The following BCL11A variants were observed in gnomAD, a reference collection of about 807,000 sequenced individuals.
BCL11A encodes B cell CLL/lymphoma 11A.
BCL11A carries 2 observed loss-of-function variants against 55.9 expected under a neutral mutation model. The ratio of observed to expected loss-of-function variants is 0.04; its 90% CI spans 0.01 to 0.11. The LOEUF is 0.11. Among genes scored for constraint, BCL11A ranks in the 10% least tolerant of loss-of-function variants. The probability of loss-of-function intolerance (pLI) is 1.00; values close to 1 mark genes in which losing one functional copy is unlikely to be tolerated. For missense variants in BCL11A, 817 were observed against 1,137.1 expected (o/e 0.72, Z 4.05); for synonymous variants, 465 against 473.4 (o/e 0.98, Z 0.23).
intron 2 of BCL11A, among the ~76,000 whole-genome samples, chr2:60,502,019 C>A (rs1419156732): frequency 6.6e-6 from 1 of 152,150 alleles, no homozygotes; most frequent in Non-Finnish European, 1.5e-5. Flanking sequence ...GGTGAAATCT[C>A]AGGCTAACAG....
At chr2:60,486,718 C>G (rs868685558) in intron 2 of BCL11A, among the ~76,000 whole-genome samples, 25 of 152,158 alleles carry the variant, frequency 1.6e-4, no homozygotes, top group African/African-American at 5.8e-4. Flanking sequence ...CTCAGGAAGG[C>G]CTTGATAGCA....
Position 60,469,425 on chromosome 2 carries a change from G to T in BCL11A, c.386-592C>A, listed in dbSNP as rs144896747. ...AACCTGGGCATTTCTGGACTGAGCT[G>T]GGCCATACTCTAGAATCCTGTCAAC... On this transcript the variant is annotated intron_variant, in intron 2 of 3. Coordinates refer to ENST00000642384, the MANE Select transcript of BCL11A (RefSeq NM_022893.4). Among the ~76,000 whole-genome samples, 240 of 152,234 alleles carry T rather than the reference G, an allele frequency of 1.6e-3. 1 individual carries two copies. The highest frequency in any genetic ancestry group is 5.5e-3 in the African/African-American group (227 of 41,532).
chr2:60,530,379 C>T (rs1276362727), intron 2 of BCL11A, among the ~76,000 whole-genome samples: 1 of 150,686 alleles, frequency 6.6e-6, no homozygotes, highest in Non-Finnish European at 1.5e-5. Flanking sequence ...TACCTGCACA[C>T]GCAGGCACGC....
chr2:60,524,104 C>T (rs1573055816), intron 2 of BCL11A, among the ~76,000 whole-genome samples: 1 of 152,180 alleles, frequency 6.6e-6, no homozygotes, highest in Admixed American at 6.5e-5. Flanking sequence ...GCTCCCATTT[C>T]GCAAACAAAA....
chr2:60,472,482 A>G (rs1291122838), intron 2 of BCL11A, among the ~76,000 whole-genome samples: 4 of 152,238 alleles, frequency 2.6e-5, no homozygotes, highest in Non-Finnish European at 5.9e-5. Flanking sequence ...GGGGCCTCAG[A>G]AATGCCTTAC....
At chr2:60,522,948 G>C (rs181719203) in intron 2 of BCL11A, 1 of 152,130 alleles carries the variant, frequency 6.6e-6, no homozygotes, top group Non-Finnish European at 1.5e-5. Flanking sequence ...GAGACAGTGA[G>C]GTCTACAATA....
chr2:60,547,342 G>T (rs1005754937), intron 1 of BCL11A, among the ~76,000 whole-genome samples: 2 of 151,798 alleles, frequency 1.3e-5, no homozygotes, highest in African/African-American at 2.4e-5. Context: ...AATCACCAGC[G>T]GATGGTATAA....
intron 2 of BCL11A, among the ~76,000 whole-genome samples, chr2:60,493,047 G>A (rs1322100998): frequency 6.6e-6 from 1 of 152,068 alleles, no homozygotes; most frequent in East Asian, 1.9e-4. Flanking sequence ...CCACAGTGTT[G>A]AGAATTCTAG....
intron 2 of BCL11A, among the ~76,000 whole-genome samples, chr2:60,496,291 GA>G (rs764805091): frequency 6.6e-6 from 1 of 152,256 alleles, no homozygotes; most frequent in Non-Finnish European, 1.5e-5. Flanking sequence ...ACAGATGGGG[GA>G]CAGGGTGGGA....
At chr2:60,489,717 C>G (rs1464872015) in intron 2 of BCL11A, among the ~76,000 whole-genome samples, 1 of 152,182 alleles carries the variant, frequency 6.6e-6, no homozygotes, top group Non-Finnish European at 1.5e-5. Context: ...CCTGAGCCCC[C>G]GGGCCGTTCT....
chr2:60,514,898 C>CAG (rs956675939), intron 2 of BCL11A, among the ~76,000 whole-genome samples: 10 of 149,724 alleles, frequency 6.7e-5, no homozygotes, highest in Admixed American at 5.3e-4. Context: ...AAAAGAGAGA[C>CAG]AGAGAGAGAG....
chr2:60,539,392 A>G (rs1211814710), intron 2 of BCL11A, among the ~76,000 whole-genome samples: 2 of 152,164 alleles, frequency 1.3e-5, no homozygotes, highest in Non-Finnish European at 2.9e-5. Context: ...TCCCTTGCCA[A>G]CCTAACTCAA....
At chr2:60,504,897 C>T (rs1226771646) in intron 2 of BCL11A, among the ~76,000 whole-genome samples, 1 of 152,102 alleles carries the variant, frequency 6.6e-6, no homozygotes, top group Non-Finnish European at 1.5e-5. Flanking sequence ...TAAAACAGAG[C>T]GTCCCCCCAA....
chr2:60,533,151 C>T (rs1285274419), intron 2 of BCL11A: 1 of 152,200 alleles, frequency 6.6e-6, no homozygotes, highest in African/African-American at 2.4e-5. Flanking sequence ...TCCATGCTCA[C>T]GTTTTTAACT....
intron 2 of BCL11A, among the ~76,000 whole-genome samples, chr2:60,480,848 A>G (rs1189957683): frequency 2.6e-5 from 4 of 151,978 alleles, no homozygotes; most frequent in Non-Finnish European, 5.9e-5. Context: ...CTCTATTCTC[A>G]TCCCCTACCT....
intron 2 of BCL11A, among the ~76,000 whole-genome samples, chr2:60,469,864 T>C (rs1677103607): frequency 6.6e-6 from 1 of 152,134 alleles, no homozygotes; most frequent in South Asian, 2.1e-4. Context: ...CTCTGTGTGT[T>C]CTAGAGGTTT....
chr2:60,550,970 A>AGG (rs969114771), intron 1 of BCL11A: 1 of 118,428 alleles, frequency 8.4e-6, no homozygotes, highest in African/African-American at 4.8e-5. Flanking sequence ...GAGGGATGCG[A>AGG]GGGGGTGGGG....
chr2:60,459,809 A>G lies in BCL11A; in HGVS notation c.*595T>C. On this transcript the variant is annotated 3_prime_UTR_variant, in exon 4 of 4. Coordinates refer to ENST00000642384, the MANE Select transcript of BCL11A (RefSeq NM_022893.4). ...TTAGAGACAGACATTTAGCTCATAG[A>G]GATTTTTTTTCAGTGCTATCTATTC... 9.6e-7 allele frequency: 1 copy of G among 1,043,552 alleles called. No individual in the cohort carries two copies. The highest frequency in any genetic ancestry group is 1.2e-6 in the Non-Finnish European group (1 of 865,464). 64.6% of individuals were successfully genotyped at this position (1,043,552 alleles called of 1,614,324 possible).
chr2:60,543,804 A>G (rs1470288847), intron 2 of BCL11A: 1 of 152,254 alleles, frequency 6.6e-6, no homozygotes, highest in Non-Finnish European at 1.5e-5. Context: ...TTGTGCGCCC[A>G]TTGAATATCT....
Sources: gnomAD v4.1 joint callset for allele counts (sites outside exome capture counted in the v4.1 genomes callset) on GRCh38, gnomAD v4.1.1 for gene constraint, MANE v1.5 for transcripts, NCBI Gene and HGNC (gene_info 2026-07-23, HGNC 2026-07-21) for gene names.